The following ZCCHC24 variants were observed in gnomAD, a reference collection of about 807,000 sequenced individuals.
ZCCHC24 encodes the protein zinc finger CCHC-type containing 24.
ZCCHC24 carries 10 observed loss-of-function variants against 26.2 expected under a neutral mutation model. The observed-to-expected ratio is 0.38, with a 90% CI of 0.24 to 0.65. The LOEUF (loss-of-function observed/expected upper bound fraction) is 0.65, where lower values mean the gene tolerates loss of function less well. Ranked by LOEUF, ZCCHC24 falls within the 30% of genes least tolerant of loss-of-function variation. ZCCHC24 has a pLI of 0.54. For synonymous variants in ZCCHC24, 144 were observed against 147.1 expected, an observed-to-expected ratio of 0.98 and a Z score of 0.15; for missense variants, 243 against 329.1, an observed-to-expected ratio of 0.74 and a Z score of 2.03.
intron 2 of ZCCHC24, among the ~76,000 whole-genome samples, chr10:79,422,634 C>T (rs1055863165): frequency 3.9e-5 from 6 of 152,200 alleles, no homozygotes; most frequent in Admixed American, 3.3e-4. Flanking sequence ...CCAAGAAACC[C>T]GAGCTGCCAG....
At chr10:79,431,528 T>G (rs1857129559) in intron 2 of ZCCHC24, among the ~76,000 whole-genome samples, 2 of 152,200 alleles carry the variant, frequency 1.3e-5, no homozygotes, top group Non-Finnish European at 2.9e-5. Flanking sequence ...CTGGAGGCAC[T>G]GATGCATCTC....
intron 1 of ZCCHC24, among the ~76,000 whole-genome samples, chr10:79,438,492 C>T (rs1425835572): frequency 6.6e-6 from 1 of 152,198 alleles, no homozygotes; most frequent in Non-Finnish European, 1.5e-5. Flanking sequence ...CAGCTGTGCT[C>T]AGCCCCTGGC....
intron 2 of ZCCHC24, among the ~76,000 whole-genome samples, chr10:79,410,669 C>T (rs767391089): frequency 1.7e-4 from 26 of 151,868 alleles, no homozygotes; most frequent in Non-Finnish European, 2.6e-4. Context: ...GCCAGGGAAG[C>T]GCTGAAAATG....
rs1290588614 is a variant in ZCCHC24, at chr10:79,385,479, TC to T, written c.*865del. On this transcript the variant is annotated 3_prime_UTR_variant, in exon 4 of 4. Coordinates refer to ENST00000372336, the MANE Select transcript of ZCCHC24 (RefSeq NM_153367.4). The surrounding 1 kb of genome is among the most constrained non-coding windows in gnomAD (Gnocchi z 4.3). ...CAGGGCAAAGACTTGAGCCGAGGTC[TC>T]CAGAACACCAGGCTTGTGTCCTTTC... 6 of 152,230 alleles carry T rather than the reference TC, an allele frequency of 3.9e-5. No homozygotes were observed. Among genetic ancestry groups the T allele is most frequent in the Admixed American group, 3.9e-4 (6 of 15,290 alleles). 9.4% of individuals were successfully genotyped at this position (152,230 alleles called of 1,614,324 possible).
intron 1 of ZCCHC24, among the ~76,000 whole-genome samples, chr10:79,434,076 C>A (rs923114041): frequency 1.3e-5 from 2 of 152,230 alleles, no homozygotes; most frequent in Non-Finnish European, 2.9e-5. Context: ...TTCTTGGTGC[C>A]TCAGGACACA....
chr10:79,429,170 G>A (rs1857091615), intron 2 of ZCCHC24, among the ~76,000 whole-genome samples: 1 of 152,110 alleles, frequency 6.6e-6, no homozygotes, highest in Non-Finnish European at 1.5e-5. Context: ...AGTGAAAGAA[G>A]CCAGTCATAA....
Position 79,409,502 on chromosome 10 carries a change from A to G in ZCCHC24, c.448-15062T>C, listed in dbSNP as rs139855762. Reference sequence around the variant, plus strand: ...AGAGACCCTGTAGGGGTCCCCTCTGATTCCCTGGGCCCAGCGTGGGTCTGG... The same window carrying G: ...AGAGACCCTGTAGGGGTCCCCTCTGGTTCCCTGGGCCCAGCGTGGGTCTGG... On this transcript the variant is annotated intron_variant, in intron 2 of 3. Transcript: ENST00000372336. Among the ~76,000 whole-genome samples the G allele has an allele frequency of 7.5e-3, 1,145 of 152,286 alleles. 10 individuals carry two copies. Among genetic ancestry groups the G allele is most frequent in the Middle Eastern group, 0.02 (6 of 294 alleles).
intron 1 of ZCCHC24, chr10:79,444,161 T>C: frequency 6.5e-7 from 1 of 1,544,084 alleles, no homozygotes; most frequent in Non-Finnish European, 8.7e-7. Flanking sequence ...CGAACACACC[T>C]CTTGCATCTT....
intron 2 of ZCCHC24, among the ~76,000 whole-genome samples, chr10:79,421,483 T>A (rs1053796401): frequency 1.0e-5 from 1 of 96,164 alleles, no homozygotes; most frequent in Non-Finnish European, 2.3e-5. Context: ...TTTCTTCCTT[T>A]CTTCCTTCCT....
At chr10:79,411,987 C>T (rs886244826) in intron 2 of ZCCHC24, among the ~76,000 whole-genome samples, 2 of 152,180 alleles carry the variant, frequency 1.3e-5, no homozygotes, top group African/African-American at 4.8e-5. Flanking sequence ...TCCCTGGCTC[C>T]CAGAAGCCCA....
At chr10:79,407,510 CA>C (rs1856735009) in intron 2 of ZCCHC24, among the ~76,000 whole-genome samples, 1 of 152,254 alleles carries the variant, frequency 6.6e-6, no homozygotes, top group African/African-American at 2.4e-5. Context: ...CCCAGAGTCT[CA>C]GAATCAATAG....
At chr10:79,421,279 T>G (rs1460745226) in intron 2 of ZCCHC24, among the ~76,000 whole-genome samples, 1 of 152,208 alleles carries the variant, frequency 6.6e-6, no homozygotes, top group Non-Finnish European at 1.5e-5. Context: ...GAACCTCAGC[T>G]GAGGCCCCTT....
At chr10:79,431,498 C>A (rs1005495492) in intron 2 of ZCCHC24, among the ~76,000 whole-genome samples, 1 of 152,204 alleles carries the variant, frequency 6.6e-6, no homozygotes, top group Non-Finnish European at 1.5e-5. Context: ...GCTCTGAGAG[C>A]CTGCAATTGT....
At chr10:79,410,738 A>G (rs1856779028) in intron 2 of ZCCHC24, among the ~76,000 whole-genome samples, 1 of 137,058 alleles carries the variant, frequency 7.3e-6, no homozygotes, top group South Asian at 2.7e-4. Context: ...GAGGGGTTGG[A>G]CATGGGGGGA....
intron 3 of ZCCHC24, among the ~76,000 whole-genome samples, chr10:79,386,667 G>A (rs566256247): frequency 6.6e-5 from 10 of 152,256 alleles, no homozygotes; most frequent in South Asian, 2.1e-4. Flanking sequence ...GGGAGAGGGC[G>A]CCTGTGGTCA....
At chr10:79,412,819 C>A (rs1382317555) in intron 2 of ZCCHC24, among the ~76,000 whole-genome samples, 1 of 152,188 alleles carries the variant, frequency 6.6e-6, no homozygotes, top group African/African-American at 2.4e-5. Context: ...CTTGGTTTCC[C>A]CCGTGTAAGT....
intron 2 of ZCCHC24, among the ~76,000 whole-genome samples, chr10:79,416,350 C>A (rs369074985): frequency 6.6e-6 from 1 of 152,200 alleles, no homozygotes; most frequent in Non-Finnish European, 1.5e-5. Flanking sequence ...GAACCAAACG[C>A]GTTGGTAATG....
chr10:79,402,488 G>C (rs1856647300), intron 2 of ZCCHC24, among the ~76,000 whole-genome samples: 1 of 152,132 alleles, frequency 6.6e-6, no homozygotes, highest in South Asian at 2.1e-4. Flanking sequence ...TGTTAGCCAG[G>C]ATGGTTTCGA....
intron 2 of ZCCHC24, among the ~76,000 whole-genome samples, chr10:79,397,835 G>C (rs2132181098): frequency 6.6e-6 from 1 of 152,296 alleles, no homozygotes; most frequent in Non-Finnish European, 1.5e-5. Flanking sequence ...CAGGACACTG[G>C]GCAGAGTGAA....
Sources: allele counts gnomAD v4.1 joint callset (sites outside exome capture counted in the v4.1 genomes callset), GRCh38; gene constraint gnomAD v4.1.1; non-coding constraint Gnocchi (gnomAD v3.1); transcripts MANE v1.5; gene names NCBI Gene and HGNC (gene_info 2026-07-23, HGNC 2026-07-21).